The following EPHA5 variants were observed in gnomAD, a reference collection of about 807,000 sequenced individuals.
The protein encoded by EPHA5 is ephrin type-A receptor 5.
Under a neutral mutation model 105.0 loss-of-function variants are expected in EPHA5, and 60 were observed. The observed-to-expected ratio is 0.57, with a 90% confidence interval of 0.46 to 0.71. The LOEUF is 0.71. EPHA5 is among the 30% of genes least tolerant of loss of function. The pLI is 0.00. For synonymous variants in EPHA5, 513 were observed against 449.1 expected, an observed-to-expected ratio of 1.14 and a Z score of -1.80; for missense variants, 1,218 against 1,274.7, an observed-to-expected ratio of 0.96 and a Z score of 0.68.
intron 3 of EPHA5, among the ~76,000 whole-genome samples, chr4:65,577,508 T>G (rs1741181659): frequency 6.6e-6 from 1 of 152,166 alleles, no homozygotes; most frequent in South Asian, 2.1e-4. Context: ...AAGTGACTGA[T>G]GTGGTGTTTA....
At chr4:65,338,483 A>G (rs558452554) in intron 14 of EPHA5, among the ~76,000 whole-genome samples, 112 of 151,904 alleles carry the variant, frequency 7.4e-4, no homozygotes, top group African/African-American at 2.5e-3. Flanking sequence ...TTTTTTTTCA[A>G]TAATCCTTCC....
intron 5 of EPHA5, among the ~76,000 whole-genome samples, chr4:65,437,974 T>G: frequency 6.6e-6 from 1 of 151,984 alleles, no homozygotes; most frequent in East Asian, 1.9e-4. Flanking sequence ...TGCATCCTTT[T>G]AAAAATATTT....
At chr4:65,509,979 T>C (rs1289294621) in intron 3 of EPHA5, among the ~76,000 whole-genome samples, 2 of 151,904 alleles carry the variant, frequency 1.3e-5, no homozygotes, top group Non-Finnish European at 2.9e-5. Flanking sequence ...GTTCTAACCA[T>C]TGTGGACGAC....
intron 1 of EPHA5, among the ~76,000 whole-genome samples, chr4:65,661,622 C>T (rs1008514188): frequency 6.6e-6 from 1 of 152,054 alleles, no homozygotes; most frequent in Admixed American, 6.6e-5. Flanking sequence ...TCAGCCTCAC[C>T]TTTTCTGCTA....
intron 3 of EPHA5, among the ~76,000 whole-genome samples, chr4:65,590,722 G>A (rs1374144453): frequency 2.0e-5 from 3 of 152,032 alleles, no homozygotes; most frequent in African/African-American, 4.8e-5. Flanking sequence ...CTTGAAAGTG[G>A]GTAAGTAGAT....
chr4:65,466,204 A>C (rs1728703777), intron 5 of EPHA5, among the ~76,000 whole-genome samples: 1 of 152,238 alleles, frequency 6.6e-6, no homozygotes, highest in Admixed American at 6.5e-5. Flanking sequence ...GAATGTTTGA[A>C]TGAAAGGTAA....
At chr4:65,402,651 C>T (rs1228707476) in intron 8 of EPHA5, among the ~76,000 whole-genome samples, 1 of 152,102 alleles carries the variant, frequency 6.6e-6, no homozygotes, top group African/African-American at 2.4e-5. Flanking sequence ...CTTATAACCT[C>T]CATGGCTATA....
intron 5 of EPHA5, among the ~76,000 whole-genome samples, chr4:65,449,336 T>C (rs1726858338): frequency 6.6e-6 from 1 of 152,180 alleles, no homozygotes; most frequent in Non-Finnish European, 1.5e-5. Flanking sequence ...TAATGAGGGT[T>C]TAAAAAAAGA....
chr4:65,346,709 A>C (rs1042440531), intron 14 of EPHA5, among the ~76,000 whole-genome samples: 6 of 152,194 alleles, frequency 3.9e-5, no homozygotes, highest in Non-Finnish European at 8.8e-5. Flanking sequence ...AGAGTGGGAG[A>C]AAATTTTTGC....
At chr4:65,564,225 C>A (rs191242917) in intron 3 of EPHA5, among the ~76,000 whole-genome samples, 121 of 151,884 alleles carry the variant, frequency 8.0e-4, no homozygotes, top group African/African-American at 2.8e-3. Context: ...ACATAGACAC[C>A]AACATTAGTT....
chr4:65,504,216 C>T lies in EPHA5; in HGVS notation c.911-8673G>A, dbSNP rs542703111. ...CATAATTCAGAGAAAGAGATTATTA[C>T]CTCATTTAGTATTCCAAAAATGGCA... On this transcript the variant is annotated intron_variant, in intron 3 of 16. Transcript: ENST00000613740. 2.0e-5 allele frequency among the ~76,000 whole-genome samples: 3 copies of T among 151,132 alleles called. No homozygotes were observed. The Admixed American group carries it at 2.0e-4, about 10-fold the overall frequency.
At chr4:65,506,050 T>G (rs1380835796) in intron 3 of EPHA5, among the ~76,000 whole-genome samples, 4 of 152,130 alleles carry the variant, frequency 2.6e-5, no homozygotes, top group Admixed American at 1.3e-4. Context: ...CCTTCCTGTG[T>G]CCATGTGTTG....
At chr4:65,662,157 A>G (rs1221530944) in intron 1 of EPHA5, among the ~76,000 whole-genome samples, 1 of 151,952 alleles carries the variant, frequency 6.6e-6, no homozygotes, top group Admixed American at 6.6e-5. Context: ...AGACATGACA[A>G]ATGAAAATAA....
chr4:65,416,821 G>A (rs1329556074), intron 6 of EPHA5, among the ~76,000 whole-genome samples: 5 of 152,092 alleles, frequency 3.3e-5, no homozygotes, highest in East Asian at 3.9e-4. Flanking sequence ...CAAAACCAAC[G>A]AATACACATT....
Position 65,601,624 on chromosome 4 carries a change from TG to T in EPHA5, c.910+16del. 6.2e-7 allele frequency: 1 copy of T among 1,607,248 alleles called. No individual in the cohort carries two copies. Among genetic ancestry groups the T allele is most frequent in the Non-Finnish European group, 8.5e-7 (1 of 1,175,112 alleles). On this transcript the variant is annotated intron_variant, in intron 3 of 16. Coordinates refer to ENST00000613740, the MANE Select transcript of EPHA5 (RefSeq NM_001281766.3). ...CTGAAGCAGACAGCCCCTGCAGATC[TG>T]GAGGCAAACTCTTACCTTGACAGGT...
chr4:65,641,646 C>T (rs190499808), intron 2 of EPHA5, among the ~76,000 whole-genome samples: 59 of 152,096 alleles, frequency 3.9e-4, no homozygotes, highest in African/African-American at 1.4e-3. Flanking sequence ...AAACATAACA[C>T]CTGAATCCCA....
At chr4:65,493,818 C>T (rs1178371446) in intron 4 of EPHA5, among the ~76,000 whole-genome samples, 1 of 151,302 alleles carries the variant, frequency 6.6e-6, no homozygotes, top group Non-Finnish European at 1.5e-5. Context: ...AAGGGAGGCT[C>T]ACATTTATGC....
chr4:65,581,240 C>A (rs922609807), intron 3 of EPHA5, among the ~76,000 whole-genome samples: 1 of 151,782 alleles, frequency 6.6e-6, no homozygotes, highest in Non-Finnish European at 1.5e-5. Context: ...GAGTTTTAAG[C>A]ATCTCTTTCA....
chr4:65,435,807 A>T (rs1417830884), intron 5 of EPHA5, among the ~76,000 whole-genome samples: 7 of 137,564 alleles, frequency 5.1e-5, no homozygotes, highest in Non-Finnish European at 1.0e-4. Flanking sequence ...TTCTGCAAGC[A>T]TAGAAATGAA....
Sources: allele counts gnomAD v4.1 joint callset (sites outside exome capture counted in the v4.1 genomes callset), GRCh38; gene constraint gnomAD v4.1.1; transcripts MANE v1.5; gene names NCBI Gene and HGNC (gene_info 2026-07-23, HGNC 2026-07-21).